Variants in KCNIP4 observed in about 807,000 individuals in gnomAD.
The protein encoded by KCNIP4 is potassium voltage-gated channel interacting protein 4, also known as Kv channel-interacting protein 4.
KCNIP4 carries 12 observed loss-of-function variants against 34.0 expected under a neutral mutation model. That is an observed-to-expected ratio of 0.35 (90% confidence interval 0.23 to 0.57). The LOEUF (loss-of-function observed/expected upper bound fraction) is 0.57. KCNIP4 is among the 20% of genes least tolerant of loss of function. The pLI is 0.83. For missense variants in KCNIP4, 238 were observed against 311.7 expected (o/e 0.76, Z 1.78); for synonymous variants, 124 against 102.2 (o/e 1.21, Z -1.29).
chr4:21,681,239 A>G (rs1431152016), intron 1 of KCNIP4, among the ~76,000 whole-genome samples: 6 of 151,630 alleles, frequency 4.0e-5, no homozygotes, highest in Admixed American at 3.9e-4. Context: ...TAGCTGGGAC[A>G]ACGTGCGTGC....
At chr4:21,613,885 C>T (rs76431661) in intron 1 of KCNIP4, among the ~76,000 whole-genome samples, 1,764 of 152,098 alleles carry the variant, frequency 0.012, 36 homozygotes, top group African/African-American at 0.04. Flanking sequence ...TGGTCCATGC[C>T]TGTAAGCCCA....
chr4:20,750,250 A>G (rs1269531343), intron 4 of KCNIP4, among the ~76,000 whole-genome samples: 2 of 152,202 alleles, frequency 1.3e-5, no homozygotes, highest in African/African-American at 4.8e-5. Context: ...GAAGGAGTAA[A>G]TCTGGGACAT....
At chr4:21,781,967 A>G (rs1719600442) in intron 1 of KCNIP4, among the ~76,000 whole-genome samples, 1 of 152,158 alleles carries the variant, frequency 6.6e-6, no homozygotes, top group Non-Finnish European at 1.5e-5. Context: ...AAGAGATACT[A>G]TTGATAAATC....
intron 1 of KCNIP4, among the ~76,000 whole-genome samples, chr4:21,221,986 T>C (rs1468822250): frequency 2.0e-5 from 3 of 152,184 alleles, no homozygotes; most frequent in Non-Finnish European, 4.4e-5. Flanking sequence ...CTGACCAGTA[T>C]TTAGACACAT....
intron 1 of KCNIP4, among the ~76,000 whole-genome samples, chr4:21,920,169 A>G (rs552591275): frequency 6.6e-6 from 1 of 152,294 alleles, no homozygotes; most frequent in South Asian, 2.1e-4. Flanking sequence ...AACTGTTAAT[A>G]AATATGCAAA....
chr4:21,766,582 T>A (rs957300785), intron 1 of KCNIP4, among the ~76,000 whole-genome samples: 1 of 152,184 alleles, frequency 6.6e-6, no homozygotes, highest in African/African-American at 2.4e-5. Flanking sequence ...AACAATGATC[T>A]GCATAATTTC....
intron 1 of KCNIP4, among the ~76,000 whole-genome samples, chr4:21,479,447 G>A (rs1353338340): frequency 6.6e-6 from 1 of 152,110 alleles, no homozygotes; most frequent in East Asian, 1.9e-4. Context: ...TGCTAAAGGA[G>A]TGTACACGGC....
At chr4:21,391,796 C>G (rs964602467) in intron 1 of KCNIP4, among the ~76,000 whole-genome samples, 2 of 152,124 alleles carry the variant, frequency 1.3e-5, no homozygotes, top group African/African-American at 4.8e-5. Context: ...AATCACATTC[C>G]TTTCCCTCTT....
chr4:21,569,376 A>G (rs1475234343), intron 1 of KCNIP4, among the ~76,000 whole-genome samples: 1 of 151,874 alleles, frequency 6.6e-6, no homozygotes, highest in Non-Finnish European at 1.5e-5. Flanking sequence ...CCTGTTCTAA[A>G]ACTGCTTACC....
chr4:21,909,409 C>G (rs550751063), intron 1 of KCNIP4, among the ~76,000 whole-genome samples: 1 of 152,120 alleles, frequency 6.6e-6, no homozygotes, highest in African/African-American at 2.4e-5. Flanking sequence ...TTGTCTTACA[C>G]ATCACCTCCT....
chr4:21,339,558 CCTAACTA>C (rs1466123756), intron 1 of KCNIP4, among the ~76,000 whole-genome samples: 2 of 151,994 alleles, frequency 1.3e-5, no homozygotes, highest in African/African-American at 4.8e-5. Context: ...AGGTAATAGA[CCTAACTA>C]TGGGATCTGA....
chr4:21,412,026 G>A (rs1724554167), intron 1 of KCNIP4, among the ~76,000 whole-genome samples: 1 of 152,130 alleles, frequency 6.6e-6, no homozygotes, highest in Non-Finnish European at 1.5e-5. Context: ...TGGGGCACTT[G>A]ACATACTCAA....
At chr4:21,915,628 T>G (rs1036219829) in intron 1 of KCNIP4, among the ~76,000 whole-genome samples, 12 of 152,222 alleles carry the variant, frequency 7.9e-5, no homozygotes, top group African/African-American at 1.2e-4. Context: ...TATAAACATC[T>G]GTGCATATGA....
intron 1 of KCNIP4, among the ~76,000 whole-genome samples, chr4:21,232,687 G>A (rs1238864405): frequency 1.3e-5 from 2 of 152,160 alleles, no homozygotes; most frequent in African/African-American, 2.4e-5. Context: ...TCACTCAGAA[G>A]CATTCTTAGA....
chr4:21,659,408 T>C (rs1032799855), intron 1 of KCNIP4, among the ~76,000 whole-genome samples: 2 of 152,178 alleles, frequency 1.3e-5, no homozygotes, highest in Non-Finnish European at 2.9e-5. Context: ...CAGTTCTGAT[T>C]ATGCATTTTT....
intron 1 of KCNIP4, among the ~76,000 whole-genome samples, chr4:21,474,939 T>C (rs1461232805): frequency 6.8e-6 from 1 of 147,646 alleles, no homozygotes; most frequent in African/African-American, 2.5e-5. Context: ...AGGCGGAGGT[T>C]GCAGTGAGCC....
intron 1 of KCNIP4, among the ~76,000 whole-genome samples, chr4:21,104,516 T>C (rs1056015875): frequency 5.9e-5 from 9 of 152,182 alleles, no homozygotes; most frequent in Non-Finnish European, 1.0e-4. Flanking sequence ...ATGAGTAGAT[T>C]GCAAAAATTT....
chr4:21,198,353 G>C (rs2108946079), intron 1 of KCNIP4, among the ~76,000 whole-genome samples: 1 of 152,316 alleles, frequency 6.6e-6, no homozygotes, highest in South Asian at 2.1e-4. Context: ...AGAACAGAGA[G>C]ACATAATTTA....
intron 1 of KCNIP4, among the ~76,000 whole-genome samples, chr4:21,431,943 A>C (rs934982035): frequency 6.6e-6 from 1 of 150,938 alleles, no homozygotes; most frequent in African/African-American, 2.4e-5. Context: ...AAAGCTACTG[A>C]TAAATAATAT....
Sources: gnomAD v4.1 joint callset for allele counts (sites outside exome capture counted in the v4.1 genomes callset) on GRCh38, gnomAD v4.1.1 for gene constraint, MANE v1.5 for transcripts, NCBI Gene and HGNC (gene_info 2026-07-23, HGNC 2026-07-21) for gene names.